Variants in PRKG1 observed in about 807,000 individuals in gnomAD.
PRKG1 encodes cGMP-dependent protein kinase 1.
PRKG1 carries 35 observed loss-of-function variants against 88.1 expected under a neutral mutation model. The observed-to-expected ratio is 0.40, with a 90% CI of 0.30 to 0.53. The LOEUF is 0.53. PRKG1 is among the 20% of genes least tolerant of loss of function. PRKG1 has a pLI of 0.59. For missense variants in PRKG1, 540 were observed against 839.8 expected (o/e 0.64, Z 4.41); for synonymous variants, 303 against 292.5 (o/e 1.04, Z -0.37).
At chr10:51,833,874 C>G (rs1840063680) in intron 4 of PRKG1, among the ~76,000 whole-genome samples, 1 of 152,144 alleles carries the variant, frequency 6.6e-6, no homozygotes, top group African/African-American at 2.4e-5. Context: ...TCCACTCCAG[C>G]CTCTGGTAAA....
chr10:51,475,339 G>T (rs1335909281), intron 3 of PRKG1, among the ~76,000 whole-genome samples: 3 of 151,882 alleles, frequency 2.0e-5, no homozygotes, highest in Non-Finnish European at 4.4e-5. Flanking sequence ...AAAATCTGTG[G>T]CCCCTGCTCT....
chr10:51,652,568 T>C (rs916830552), intron 3 of PRKG1, among the ~76,000 whole-genome samples: 1 of 152,168 alleles, frequency 6.6e-6, no homozygotes, highest in Admixed American at 6.5e-5. Context: ...CATTTCTTTA[T>C]AAAATTTTTT....
intron 6 of PRKG1, among the ~76,000 whole-genome samples, chr10:52,059,756 A>AAGAAGTAAATTTTACTATATGAT (rs1411762041): frequency 6.6e-6 from 1 of 151,880 alleles, no homozygotes; most frequent in South Asian, 2.1e-4. Flanking sequence ...TATTCCAAAA[A>AAGAAGTAAATTTTACTATATGAT]AGAAGTAAAT....
intron 3 of PRKG1, among the ~76,000 whole-genome samples, chr10:51,634,137 G>A (rs1352452137): frequency 6.6e-6 from 1 of 152,050 alleles, no homozygotes; most frequent in Non-Finnish European, 1.5e-5. Context: ...ATAGAGATTT[G>A]GACAAAGCTC....
intron 9 of PRKG1, among the ~76,000 whole-genome samples, chr10:52,227,601 G>C (rs1840420037): frequency 6.6e-6 from 1 of 151,968 alleles, no homozygotes; most frequent in East Asian, 1.9e-4. Context: ...TGTGGATTTT[G>C]GTATCCACAG....
intron 2 of PRKG1, among the ~76,000 whole-genome samples, chr10:51,402,512 A>G (rs1261640349): frequency 6.6e-6 from 1 of 152,206 alleles, no homozygotes; most frequent in African/African-American, 2.4e-5. Context: ...CTAAGGAAGA[A>G]TCAGCTAGGA....
At chr10:51,370,728 A>T (rs1842688154) in intron 2 of PRKG1, among the ~76,000 whole-genome samples, 1 of 152,146 alleles carries the variant, frequency 6.6e-6, no homozygotes, top group South Asian at 2.1e-4. Flanking sequence ...AATCCAGTAC[A>T]TCCAAAATAT....
At chr10:51,881,829 C>A (rs1040722007) in intron 4 of PRKG1, among the ~76,000 whole-genome samples, 2 of 152,108 alleles carry the variant, frequency 1.3e-5, no homozygotes, top group Non-Finnish European at 2.9e-5. Context: ...GTCTTCACAA[C>A]AATATAATGA....
chr10:52,047,140 T>G (rs1006348873), intron 5 of PRKG1, among the ~76,000 whole-genome samples: 3 of 152,142 alleles, frequency 2.0e-5, no homozygotes, highest in Non-Finnish European at 2.9e-5. Context: ...GAAAAAGTGT[T>G]CCAGGATTTA....
chr10:51,013,697 A>C (rs1481544481), intron 1 of PRKG1, among the ~76,000 whole-genome samples: 3 of 152,120 alleles, frequency 2.0e-5, no homozygotes, highest in Non-Finnish European at 2.9e-5. Flanking sequence ...GCCCTGTAAC[A>C]CTTTTAAAAA....
At chr10:51,698,322 T>C (rs760341333) in intron 3 of PRKG1, 2 of 1,614,166 alleles carry the variant, frequency 1.2e-6, no homozygotes, top group Non-Finnish European at 1.7e-6. Context: ...CTACCACCTC[T>C]ACCATCCATA....
At chr10:52,223,516 C>T (rs1840304663) in intron 9 of PRKG1, among the ~76,000 whole-genome samples, 1 of 152,142 alleles carries the variant, frequency 6.6e-6, no homozygotes, top group South Asian at 2.1e-4. Context: ...TGCTTCACAA[C>T]TCAATCCTTG....
In PRKG1 at chr10:50,991,202, C is replaced by T. The variant is rs1160415439; in HGVS notation, c.-177C>T. 1.4e-5 allele frequency: 12 copies of T among 864,010 alleles called. No individual in the cohort carries two copies. Among genetic ancestry groups the T allele is most frequent in the Non-Finnish European group, 1.0e-5 (6 of 592,610 alleles). 53.5% of individuals were successfully genotyped at this position (864,010 alleles called of 1,614,324 possible). A position where few individuals can be genotyped will look rare whatever the true frequency, so the allele number is the denominator to read the frequency against. ...TTTAGTCCATTCAGCAGAAGCGGATCGAAGCAGGAGGCTCCCCGCGCCGCA... is the reference window on the plus strand; with the variant it reads ...TTTAGTCCATTCAGCAGAAGCGGATTGAAGCAGGAGGCTCCCCGCGCCGCA... On this transcript the variant is annotated 5_prime_UTR_variant, in exon 1 of 18. Coordinates refer to the PRKG1 transcript ENST00000401604. This position sits in a 1 kb window ranked among gnomAD's most constrained non-coding sequence, Gnocchi z 4.5.
chr10:51,464,008 A>G (rs1381615477), intron 2 of PRKG1, among the ~76,000 whole-genome samples: 1 of 152,074 alleles, frequency 6.6e-6, no homozygotes, highest in Non-Finnish European at 1.5e-5. Flanking sequence ...GCGATAGCTC[A>G]CGCCTGTAAT....
chr10:51,147,449 A>AG (rs1845970991), intron 1 of PRKG1, among the ~76,000 whole-genome samples: 1 of 146,150 alleles, frequency 6.8e-6, no homozygotes. Flanking sequence ...GAAAAAAAAA[A>AG]CGAAGGAAAA....
Position 52,131,084 on chromosome 10 carries a change from G to A in PRKG1, c.936-2756G>A, listed in dbSNP as rs114688131. Among the ~76,000 whole-genome samples, 499 of 152,260 alleles carry A rather than the reference G, an allele frequency of 3.3e-3. 2 individuals are homozygous for A. Among genetic ancestry groups the A allele is most frequent in the African/African-American group, 0.011 (463 of 41,554 alleles). ...ACTTGTGAATGGAGGGAATGGAGGT[G>A]GGTTTAACACCAGAATAGTGCAACT... On this transcript the variant is annotated intron_variant, in intron 7 of 17. Transcript: ENST00000373980.
At chr10:51,655,658 G>T (rs972802922) in intron 3 of PRKG1, among the ~76,000 whole-genome samples, 4 of 151,962 alleles carry the variant, frequency 2.6e-5, no homozygotes, top group African/African-American at 9.7e-5. Context: ...AATCTATTAA[G>T]TCTCATTCTA....
intron 3 of PRKG1, among the ~76,000 whole-genome samples, chr10:51,605,224 G>C (rs1838731460): frequency 1.3e-5 from 2 of 152,168 alleles, no homozygotes; most frequent in South Asian, 2.1e-4. Flanking sequence ...AAGATCTCAG[G>C]TTTATATGGG....
chr10:51,652,644 T>C (rs1289825344), intron 3 of PRKG1, among the ~76,000 whole-genome samples: 1 of 152,206 alleles, frequency 6.6e-6, no homozygotes, highest in East Asian at 1.9e-4. Flanking sequence ...TATATATTTA[T>C]AGGATACAAA....
Sources: allele counts gnomAD v4.1 joint callset (sites outside exome capture counted in the v4.1 genomes callset), GRCh38; gene constraint gnomAD v4.1.1; non-coding constraint Gnocchi (gnomAD v3.1); transcripts MANE v1.5; gene names NCBI Gene and HGNC (gene_info 2026-07-23, HGNC 2026-07-21).